Variants in CRYBG1 observed in about 807,000 individuals in gnomAD.
CRYBG1 encodes the protein crystallin beta-gamma domain containing 1, also known as beta/gamma crystallin domain-containing protein 1.
CRYBG1 carries 139 observed loss-of-function variants against 189.2 expected under a neutral mutation model. The ratio of observed to expected loss-of-function variants is 0.73; its 90% CI spans 0.64 to 0.85. The LOEUF (loss-of-function observed/expected upper bound fraction) is 0.85, where lower values mean the gene tolerates loss of function less well. CRYBG1 is among the 40% of genes least tolerant of loss of function. The pLI, the probability that CRYBG1 is intolerant of heterozygous loss-of-function variation, is 0.00. For synonymous variants in CRYBG1, 1,023 were observed against 1,017.1 expected, an observed-to-expected ratio of 1.01 and a Z score of -0.11; for missense variants, 2,611 against 2,675.8, an observed-to-expected ratio of 0.98 and a Z score of 0.53.
chr6:106,448,464 G>A (rs4540290), intron 1 of CRYBG1, among the ~76,000 whole-genome samples: 107,667 of 151,450 alleles, frequency 0.71, 38,439 homozygotes, highest in East Asian at 0.84. Flanking sequence ...CCATCTGGGA[G>A]ATCATGACCC....
At chr6:106,484,395 G>T (rs1297690285) in intron 2 of CRYBG1, among the ~76,000 whole-genome samples, 1 of 152,118 alleles carries the variant, frequency 6.6e-6, no homozygotes, top group Non-Finnish European at 1.5e-5. Flanking sequence ...TCAGGCTCAA[G>T]CAATCCTCCA....
chr6:106,415,020 T>C (rs1382469780), intron 1 of CRYBG1, among the ~76,000 whole-genome samples: 2 of 152,162 alleles, frequency 1.3e-5, no homozygotes, highest in African/African-American at 2.4e-5. Flanking sequence ...TTTTTTCACA[T>C]AAATGTGTCT....
At chr6:106,381,306 T>A (rs1770283818) in intron 1 of CRYBG1, among the ~76,000 whole-genome samples, 1 of 152,212 alleles carries the variant, frequency 6.6e-6, no homozygotes, top group African/African-American at 2.4e-5. Flanking sequence ...CAGGTTTGAA[T>A]CATAGTGTCT....
intron 2 of CRYBG1, 77 bp from the exon 3 acceptor site, chr6:106,511,353 G>C: frequency 7.8e-7 from 1 of 1,283,548 alleles, no homozygotes; most frequent in Non-Finnish European, 1.0e-6. Flanking sequence ...ATTTTGGCTG[G>C]TGGTTCTGTA....
rs1245439207 is a variant in CRYBG1 at position 106,512,523 on chromosome 6, C to T, written c.1406C>T (p.Ser469Phe). 6.2e-7 allele frequency: 1 copy of T among 1,609,980 alleles called. No individual in the cohort carries two copies. The highest frequency in any genetic ancestry group is 8.5e-7 in the Non-Finnish European group (1 of 1,178,692). ...GCCTCGGCGGAAAAGAAAGTGAAAT[C>T]TCCGCGGGCAGCCCTCGACGGGGGC... ...DNASAEKKVKSPRAALDGGVA... is the reference protein window; with the variant it reads ...DNASAEKKVKFPRAALDGGVA... The change falls in exon 3 of 22, where the codon TCT (serine) becomes TTT (phenylalanine). Residue 469 changes from serine to phenylalanine, a missense_variant. This residue lies in a region of CRYBG1 where 985 missense variants were observed against 924.4 expected (regional missense o/e 1.07). Coordinates refer to ENST00000633556, the MANE Select transcript of CRYBG1 (RefSeq NM_001371242.2).
chr6:106,501,887 C>A (rs1283200587), intron 2 of CRYBG1, among the ~76,000 whole-genome samples: 2 of 152,184 alleles, frequency 1.3e-5, no homozygotes, highest in Non-Finnish European at 2.9e-5. Flanking sequence ...ACTATTAAAT[C>A]CACACTTACA....
In CRYBG1 at chr6:106,519,329, T is replaced by C. The variant is rs1773525081; in HGVS notation, c.2121T>C (p.Ser707=). ...DIRGQRNTPA[S]SKTFVGRAKL... ...GAGGCCAAAGGAATACTCCTGCCTC[T>C]AGTAAAACGTTTGTTGGGAGGGCAA... The change falls in exon 4 of 22, where the codon TCT becomes TCC. Residue 707 remains serine, a synonymous_variant. Coordinates refer to ENST00000633556, the MANE Select transcript of CRYBG1 (RefSeq NM_001371242.2). The C allele has an allele frequency of 6.2e-7, 1 of 1,614,110 alleles. No individual in the cohort carries two copies. The highest frequency in any genetic ancestry group is 8.5e-7 in the Non-Finnish European group (1 of 1,180,016).
At chr6:106,531,553 C>T (rs1189182627) in intron 8 of CRYBG1, among the ~76,000 whole-genome samples, 1 of 152,110 alleles carries the variant, frequency 6.6e-6, no homozygotes, top group Non-Finnish European at 1.5e-5. Context: ...AGTTTCTCAT[C>T]GCAGGGAGTA....
intron 1 of CRYBG1, among the ~76,000 whole-genome samples, chr6:106,378,553 C>T (rs1423958749): frequency 1.3e-5 from 2 of 152,224 alleles, no homozygotes; most frequent in Admixed American, 6.5e-5. Flanking sequence ...CTTACAGACA[C>T]TACGTATTTC....
intron 2 of CRYBG1, among the ~76,000 whole-genome samples, chr6:106,494,956 T>C (rs1772810668): frequency 6.6e-6 from 1 of 152,192 alleles, no homozygotes; most frequent in Non-Finnish European, 1.5e-5. Context: ...AGGTACCATA[T>C]ATCCTTCTTT....
chr6:106,399,671 T>C (rs74786246), intron 1 of CRYBG1, among the ~76,000 whole-genome samples: 1 of 150,410 alleles, frequency 6.6e-6, no homozygotes, highest in Non-Finnish European at 1.5e-5. Context: ...TTTTTTTTTT[T>C]CTTGAGACAG....
intron 6 of CRYBG1, among the ~76,000 whole-genome samples, chr6:106,526,962 G>A (rs996268852): frequency 6.2e-4 from 72 of 116,528 alleles, no homozygotes; most frequent in Non-Finnish European, 6.8e-4. Context: ...AAAAAAAAGA[G>A]ACAAAAAAAA....
intron 2 of CRYBG1, among the ~76,000 whole-genome samples, chr6:106,499,860 C>T (rs549752699): frequency 6.6e-6 from 1 of 152,314 alleles, no homozygotes; most frequent in African/African-American, 2.4e-5. Flanking sequence ...CACTATTCTA[C>T]TCTCTACTTC....
chr6:106,483,401 T>TATATATATA lies in CRYBG1; in HGVS notation c.313-28028_313-28027insTATATATAA. Reference sequence around the variant, plus strand: ...GTGTATATATATATAGATATATATATAAAACATTTTCTTTATCTACTTATT... The same window carrying TATATATATA: ...GTGTATATATATATAGATATATATATATATATATAAAAACATTTTCTTTATCTACTTATT... On this transcript the variant is annotated intron_variant, in intron 2 of 21. Transcript: ENST00000633556. 4.3e-4 allele frequency among the ~76,000 whole-genome samples: 41 copies of TATATATATA among 95,464 alleles called. 1 individual carries two copies. The highest frequency in any genetic ancestry group is 4.1e-3 in the South Asian group (12 of 2,946). 62.6% of individuals were successfully genotyped at this position (95,464 alleles called of 152,430 possible). A position where few individuals can be genotyped will look rare whatever the true frequency, so the allele number is the denominator to read the frequency against.
chr6:106,413,245 C>T (rs1322352217), intron 1 of CRYBG1, among the ~76,000 whole-genome samples: 1 of 152,198 alleles, frequency 6.6e-6, no homozygotes, highest in East Asian at 1.9e-4. Flanking sequence ...AGTGATTATG[C>T]CAACCCCTGG....
chr6:106,392,579 AC>A lies in CRYBG1; in HGVS notation c.173+31500del, dbSNP rs1770529115. ...TGGAGGGAGATCTGATAGGACTGAT[AC>A]CATCTTGAAATTTTGAAAATTAAAT... On this transcript the variant is annotated intron_variant, in intron 1 of 21. Coordinates refer to ENST00000633556, the MANE Select transcript of CRYBG1 (RefSeq NM_001371242.2). 2.0e-5 allele frequency among the ~76,000 whole-genome samples: 3 copies of A among 152,290 alleles called. No individual in the cohort carries two copies. The East Asian group carries it at 5.8e-4, about 29-fold the overall frequency.
chr6:106,404,868 C>T (rs1770792590), intron 1 of CRYBG1, among the ~76,000 whole-genome samples: 1 of 152,174 alleles, frequency 6.6e-6, no homozygotes, highest in Non-Finnish European at 1.5e-5. Flanking sequence ...TACACTTTTT[C>T]CACAGTCTTC....
At chr6:106,364,442 A>G (rs1315370916) in intron 1 of CRYBG1, among the ~76,000 whole-genome samples, 1 of 152,252 alleles carries the variant, frequency 6.6e-6, no homozygotes, top group East Asian at 1.9e-4. Context: ...TAGACATTCT[A>G]ATCAATTATT....
chr6:106,453,972 C>T (rs9486352), intron 2 of CRYBG1, among the ~76,000 whole-genome samples: 15 of 152,116 alleles, frequency 9.9e-5, no homozygotes, highest in Non-Finnish European at 2.1e-4. Context: ...GTGGTTCAGG[C>T]GACCCTGTCT....
Sources: gnomAD v4.1 joint callset for allele counts (sites outside exome capture counted in the v4.1 genomes callset) on GRCh38, gnomAD v4.1.1 for gene constraint, gnomAD v4.1.1 regional missense constraint, MANE v1.5 for transcripts, NCBI Gene and HGNC (gene_info 2026-07-23, HGNC 2026-07-21) for gene names.